The following PCDHGA3 variants were observed in gnomAD, a reference collection of about 807,000 sequenced individuals.
PCDHGA3 encodes the protein protocadherin gamma-A3.
In PCDHGA3, 40 loss-of-function variants were observed where a neutral mutation model predicts 58.5. That is an observed-to-expected ratio of 0.68 (90% CI 0.53 to 0.89). PCDHGA3 has a LOEUF of 0.89. Ranked by LOEUF, PCDHGA3 falls within the 40% of genes least tolerant of loss-of-function variation. The pLI is 0.00. For missense variants in PCDHGA3, 1,223 were observed against 1,195.9 expected (o/e 1.02, Z -0.33); for synonymous variants, 530 against 525.7 (o/e 1.01, Z -0.11).
chr5:141,469,829 A>G (rs2099212486), intron 1 of PCDHGA3, among the ~76,000 whole-genome samples: 1 of 152,102 alleles, frequency 6.6e-6, no homozygotes, highest in African/African-American at 2.4e-5. Context: ...AGGTCACATA[A>G]AACTTATTCT....
intron 1 of PCDHGA3, chr5:141,475,949 G>A: frequency 1.3e-6 from 1 of 758,910 alleles, no homozygotes; most frequent in South Asian, 1.9e-5. Flanking sequence ...TCCCCTTTCT[G>A]CGCCCCGGGA....
intron 1 of PCDHGA3, chr5:141,403,154 T>G (rs1166937788): frequency 6.2e-7 from 1 of 1,614,024 alleles, no homozygotes; most frequent in Non-Finnish European, 8.5e-7. Flanking sequence ...CCGCATCGTC[T>G]CTAGAGGTAG....
chr5:141,394,491 C>G, intron 1 of PCDHGA3: 1 of 1,614,234 alleles, frequency 6.2e-7, no homozygotes, highest in East Asian at 2.2e-5. Flanking sequence ...TGACAACGCG[C>G]CCGAGATCCT....
rs1246204844 is a variant in PCDHGA3, at chr5:141,419,493, A to T, written c.2424+73036A>T. On this transcript the variant is annotated intron_variant, in intron 1 of 3. Coordinates refer to ENST00000253812, the MANE Select transcript of PCDHGA3 (RefSeq NM_018916.4). ...CAGGGCTCGCCCGCGCTCAGCGCCA[A>T]TGTGAGCCTGCGCGTGTTGGTGGGC... 3 of 1,612,264 alleles carry T rather than the reference A, an allele frequency of 1.9e-6. No individual in the cohort carries two copies. The African/African-American group carries it at 4.0e-5, about 22-fold the overall frequency.
At chr5:141,389,862 C>T (rs2091950734) in intron 1 of PCDHGA3, 1 of 1,613,964 alleles carries the variant, frequency 6.2e-7, no homozygotes, top group African/African-American at 1.3e-5. Flanking sequence ...CACGTTGCAC[C>T]TGGTCTTCGC....
In PCDHGA3 at chr5:141,409,757, G is replaced by T. The variant is rs376391018; in HGVS notation, c.2424+63300G>T. On this transcript the variant is annotated intron_variant, in intron 1 of 3. Coordinates refer to ENST00000253812, the MANE Select transcript of PCDHGA3 (RefSeq NM_018916.4). ...GAGCGGGGTGGTGTTCGCGCAGCGC[G>T]CCTTTGATCACGAGCAGCTGCGCGC... is the stretch of plus-strand genomic sequence containing the variant. 5 of 1,612,868 alleles carry T rather than the reference G, an allele frequency of 3.1e-6. No homozygotes were observed. In the East Asian group the frequency reaches 6.7e-5, roughly 22 times the overall value.
chr5:141,479,941 T>C (rs983830280), intron 1 of PCDHGA3, among the ~76,000 whole-genome samples: 2 of 152,194 alleles, frequency 1.3e-5, no homozygotes, highest in Admixed American at 6.5e-5. Context: ...TGCTATCAAC[T>C]CTTGGATTTG....
At chr5:141,428,187 C>A in intron 1 of PCDHGA3, 1 of 1,439,502 alleles carries the variant, frequency 6.9e-7, no homozygotes, top group Non-Finnish European at 9.6e-7. Flanking sequence ...GGACAGCCGC[C>A]GCTCTCTGCG....
At chr5:141,352,240 C>A (rs1561502758) in intron 1 of PCDHGA3, 1 of 1,614,078 alleles carries the variant, frequency 6.2e-7, no homozygotes, top group Admixed American at 1.7e-5. Flanking sequence ...ACCTAATCTT[C>A]GCGGATAGCC....
chr5:141,350,698 G>C (rs1417939450), intron 1 of PCDHGA3: 1 of 1,613,916 alleles, frequency 6.2e-7, no homozygotes, highest in East Asian at 2.2e-5. Context: ...CCTTACCCGG[G>C]GTAAAATTCT....
intron 2 of PCDHGA3, among the ~76,000 whole-genome samples, chr5:141,499,099 C>T (rs1031964059): frequency 1.3e-5 from 2 of 152,156 alleles, no homozygotes; most frequent in Non-Finnish European, 2.9e-5. Context: ...ACATGCTTCT[C>T]CTCCCCACCA....
intron 1 of PCDHGA3, among the ~76,000 whole-genome samples, chr5:141,381,279 A>G (rs1001552478): frequency 3.3e-5 from 5 of 152,246 alleles, no homozygotes; most frequent in Non-Finnish European, 7.3e-5. Flanking sequence ...GTTTCTTGCC[A>G]GGTCTTTATT....
At chr5:141,404,482 C>T (rs758102201) in intron 1 of PCDHGA3, 2 of 1,613,594 alleles carry the variant, frequency 1.2e-6, no homozygotes, top group East Asian at 2.2e-5. Context: ...TTAACTCAGA[C>T]ACTGGTGTGC....
At chr5:141,506,076 T>C (rs2154593839) in intron 3 of PCDHGA3, among the ~76,000 whole-genome samples, 1 of 152,244 alleles carries the variant, frequency 6.6e-6, no homozygotes, top group South Asian at 2.1e-4. Flanking sequence ...TCCTTTGTAA[T>C]AGAGATTCGG....
chr5:141,478,623 G>A, intron 1 of PCDHGA3: 2 of 1,554,358 alleles, frequency 1.3e-6, no homozygotes, highest in Non-Finnish European at 1.7e-6. Flanking sequence ...GAATGGAGCT[G>A]TTTTTTTAGT....
At chr5:141,372,417 C>G in intron 1 of PCDHGA3, 1 of 1,614,062 alleles carries the variant, frequency 6.2e-7, no homozygotes, top group Non-Finnish European at 8.5e-7. Flanking sequence ...ACAACCTGAC[C>G]TTAGCGACCG....
chr5:141,409,047 G>A, intron 1 of PCDHGA3: 1 of 1,613,982 alleles, frequency 6.2e-7, no homozygotes, highest in Non-Finnish European at 8.5e-7. Context: ...TACTACTTCC[G>A]AAGCACTGCC....
Position 141,343,975 on chromosome 5 carries a change from T to C in PCDHGA3, c.-59T>C. On this transcript the variant is annotated 5_prime_UTR_variant, in exon 1 of 4. Transcript: ENST00000253812. The stretch of plus-strand genomic sequence containing the variant: ...ACTTCGTTTCTTGAGAAAATAAGAT[T>C]GGAGTCCGTCGTAGGAAACTGGAAC... 2 of 1,396,158 alleles carry C rather than the reference T, an allele frequency of 1.4e-6. No individual in the cohort carries two copies. The highest frequency in any genetic ancestry group is 2.0e-4 in the Middle Eastern group (1 of 4,970). The allele number at this position is 1,396,158 out of a possible 1,614,324, so 86.5% of individuals were successfully genotyped here. A position where few individuals can be genotyped will look rare whatever the true frequency, so the allele number is the denominator to read the frequency against.
In PCDHGA3 at chr5:141,404,317, C is replaced by T. The variant is rs375857083; in HGVS notation, c.2424+57860C>T. On this transcript the variant is annotated intron_variant, in intron 1 of 3. Transcript: ENST00000253812. ...ATAATCCACCTGCTTTCTCTCAAGC[C>T]TCCTACTCAGTCTACCTCCCGGAAA... 6.2e-6 allele frequency: 10 copies of T among 1,613,780 alleles called. No homozygotes were observed. In the African/African-American group the frequency reaches 1.2e-4, roughly 19 times the overall value.
Sources: gnomAD v4.1 joint callset for allele counts (sites outside exome capture counted in the v4.1 genomes callset) on GRCh38, gnomAD v4.1.1 for gene constraint, MANE v1.5 for transcripts, NCBI Gene and HGNC (gene_info 2026-07-23, HGNC 2026-07-21) for gene names.